MCF2L2: variants seen among roughly 807,000 people sequenced by gnomAD.
MCF2L2 encodes MCF.2 cell line derived transforming sequence-like 2.
MCF2L2 carries 102 observed loss-of-function variants against 150.2 expected under a neutral mutation model. That is an observed-to-expected ratio of 0.68 (90% confidence interval 0.58 to 0.80). The LOEUF is 0.80. MCF2L2 is among the 30% of genes least tolerant of loss of function. The probability of loss-of-function intolerance (pLI) is 0.00; values close to 1 mark genes in which losing one functional copy is unlikely to be tolerated. For synonymous variants in MCF2L2, 465 were observed against 491.3 expected (o/e 0.95, Z 0.71); for missense variants, 1,256 against 1,372.8 (o/e 0.91, Z 1.34).
At chr3:183,324,521 C>T (rs1305830195) in intron 5 of MCF2L2, among the ~76,000 whole-genome samples, 1 of 152,128 alleles carries the variant, frequency 6.6e-6, no homozygotes, top group Non-Finnish European at 1.5e-5. Context: ...GGACTTCCTT[C>T]TATTATTGTA....
At position 183,310,897 on chromosome 3, in the gene MCF2L2, T is replaced by C; in HGVS notation, c.993+18A>G. The C allele has an allele frequency of 6.4e-7, 1 of 1,565,526 alleles. No homozygotes were observed. Among genetic ancestry groups the C allele is most frequent in the Non-Finnish European group, 8.8e-7 (1 of 1,137,468 alleles). On this transcript the variant is annotated intron_variant, in intron 9 of 29. Transcript: ENST00000328913. ...CCGGTACCAGAAAAGAAAGTTACAG[T>C]AAACAAGAAAAGAATACCTTACAAA...
chr3:183,221,414 TTAAG>T, intron 20 of MCF2L2, among the ~76,000 whole-genome samples: 1 of 152,184 alleles, frequency 6.6e-6, no homozygotes, highest in South Asian at 2.1e-4. Flanking sequence ...CTGAGAGAGG[TTAAG>T]TAACTTGCCT....
chr3:183,410,281 T>C (rs571705918), intron 1 of MCF2L2, among the ~76,000 whole-genome samples: 2 of 152,346 alleles, frequency 1.3e-5, no homozygotes, highest in East Asian at 1.9e-4. Context: ...ACTATCTATA[T>C]TGGCAATTGA....
At chr3:183,194,189 G>A (rs1224876756) in intron 26 of MCF2L2, among the ~76,000 whole-genome samples, 1 of 152,200 alleles carries the variant, frequency 6.6e-6, no homozygotes, top group Non-Finnish European at 1.5e-5. Context: ...TTAGGGTCTA[G>A]CGGGGGTTCC....
intron 3 of MCF2L2, among the ~76,000 whole-genome samples, chr3:183,346,917 C>T (rs989067389): frequency 6.6e-6 from 1 of 152,128 alleles, no homozygotes; most frequent in Non-Finnish European, 1.5e-5. Context: ...AGGACCCAAA[C>T]AAATGGAAAA....
intron 1 of MCF2L2, among the ~76,000 whole-genome samples, chr3:183,421,715 T>C (rs1370498432): frequency 6.6e-6 from 1 of 152,262 alleles, no homozygotes; most frequent in African/African-American, 2.4e-5. Flanking sequence ...TTTGAAGGTC[T>C]CATAAATTTT....
chr3:183,322,076 A>T (rs1729836163), intron 6 of MCF2L2, among the ~76,000 whole-genome samples: 1 of 152,172 alleles, frequency 6.6e-6, no homozygotes, highest in Non-Finnish European at 1.5e-5. Flanking sequence ...GACTTAATAC[A>T]TCCCAAAAGC....
intron 5 of MCF2L2, among the ~76,000 whole-genome samples, chr3:183,327,024 G>C (rs1730071610): frequency 6.6e-6 from 1 of 152,000 alleles, no homozygotes; most frequent in Admixed American, 6.6e-5. Context: ...AGAGTCACTA[G>C]TATTAAAAAA....
chr3:183,295,262 A>C, intron 13 of MCF2L2, 38 bp downstream of exon 13: 2 of 1,568,612 alleles, frequency 1.3e-6, no homozygotes, highest in Non-Finnish European at 1.7e-6. Context: ...CTGATGAAAC[A>C]CAAAAGCCAC....
At chr3:183,286,071 C>T (rs1467871394) in intron 14 of MCF2L2, among the ~76,000 whole-genome samples, 1 of 152,272 alleles carries the variant, frequency 6.6e-6, no homozygotes, top group South Asian at 2.1e-4. Flanking sequence ...CAGATGGCCC[C>T]GGAAGAGTCT....
At chr3:183,323,604 C>T (rs1729903157) in intron 5 of MCF2L2, among the ~76,000 whole-genome samples, 3 of 151,090 alleles carry the variant, frequency 2.0e-5, no homozygotes, top group African/African-American at 7.3e-5. Context: ...CCAGCCAGAG[C>T]AACATAGCAA....
chr3:183,417,115 CAAAAAAAAAAAAAAAAAAA>C (rs74989072), intron 1 of MCF2L2, among the ~76,000 whole-genome samples: 1 of 44,214 alleles, frequency 2.3e-5, no homozygotes, highest in Non-Finnish European at 4.4e-5. Flanking sequence ...GACTCTGTCT[CAAAAAAAAAAAAAAAAAAA>C]AAAAAAAAAA....
intron 6 of MCF2L2, 53 bp downstream of exon 6, chr3:183,323,182 T>A: frequency 3.1e-6 from 4 of 1,298,006 alleles, no homozygotes; most frequent in South Asian, 2.6e-5. Context: ...CCCCACCCCA[T>A]CTTCCAGAAA....
chr3:183,266,370 C>G (rs1576996239), intron 15 of MCF2L2, among the ~76,000 whole-genome samples: 1 of 152,208 alleles, frequency 6.6e-6, no homozygotes, highest in Non-Finnish European at 1.5e-5. Flanking sequence ...CCTCTTTGTT[C>G]CCTTCCCAGG....
At chr3:183,269,685 T>C (rs1481011607) in intron 15 of MCF2L2, 7 of 923,946 alleles carry the variant, frequency 7.6e-6, no homozygotes, top group Non-Finnish European at 1.1e-5. Flanking sequence ...CCATTTTTAA[T>C]GACCAACATG....
chr3:183,394,223 G>C (rs1714321463), intron 1 of MCF2L2, among the ~76,000 whole-genome samples: 1 of 152,206 alleles, frequency 6.6e-6, no homozygotes, highest in Non-Finnish European at 1.5e-5. Flanking sequence ...AACAAGCCAT[G>C]AACCAGGATC....
At chr3:183,405,885 T>C (rs1467403317) in intron 1 of MCF2L2, among the ~76,000 whole-genome samples, 2 of 152,100 alleles carry the variant, frequency 1.3e-5, no homozygotes, top group East Asian at 3.9e-4. Context: ...CCAGCTAATT[T>C]TTGTATTTTT....
intron 14 of MCF2L2, among the ~76,000 whole-genome samples, chr3:183,277,963 T>C (rs1391228641): frequency 2.0e-5 from 3 of 147,620 alleles, no homozygotes; most frequent in Non-Finnish European, 4.5e-5. Flanking sequence ...GGTCAGTGGA[T>C]CATTTGAGGT....
At chr3:183,324,080 A>C (rs1729927992) in intron 5 of MCF2L2, among the ~76,000 whole-genome samples, 1 of 152,168 alleles carries the variant, frequency 6.6e-6, no homozygotes, top group Non-Finnish European at 1.5e-5. Context: ...GGTCGGGTAA[A>C]TGTGAAAATA....
Sources: gnomAD v4.1 joint callset for allele counts (sites outside exome capture counted in the v4.1 genomes callset) on GRCh38, gnomAD v4.1.1 for gene constraint, MANE v1.5 for transcripts, NCBI Gene and HGNC (gene_info 2026-07-23, HGNC 2026-07-21) for gene names.